The following MECOM variants were observed in gnomAD, a reference collection of about 807,000 sequenced individuals.
MECOM encodes histone-lysine N-methyltransferase MECOM.
A neutral mutation model predicts 116.3 loss-of-function variants in MECOM; 13 were observed. The observed-to-expected ratio is 0.11, with a 90% CI of 0.07 to 0.18. The LOEUF (loss-of-function observed/expected upper bound fraction) is 0.18, where lower values mean the gene tolerates loss of function less well. Ranked by LOEUF, MECOM falls within the 10% of genes least tolerant of loss-of-function variation. MECOM has a pLI of 1.00. For synonymous variants in MECOM, 528 were observed against 535.2 expected (o/e 0.99, Z 0.19); for missense variants, 1,299 against 1,509.0 (o/e 0.86, Z 2.31).
intron 2 of MECOM, among the ~76,000 whole-genome samples, chr3:169,339,660 T>C (rs1460735962): frequency 6.6e-6 from 1 of 152,058 alleles, no homozygotes; most frequent in Admixed American, 6.6e-5. Context: ...TGTGTGTGTA[T>C]ATTAAGGTAT....
chr3:169,415,830 C>T (rs1369894950), intron 1 of MECOM, among the ~76,000 whole-genome samples: 1 of 152,046 alleles, frequency 6.6e-6, no homozygotes, highest in Non-Finnish European at 1.5e-5. Context: ...GCTAACTATC[C>T]TAAATATATA....
chr3:169,183,576 CAGG>C (rs1327004628), intron 2 of MECOM, among the ~76,000 whole-genome samples: 3 of 151,986 alleles, frequency 2.0e-5, no homozygotes, highest in Admixed American at 6.6e-5. Flanking sequence ...GCAGCAACAG[CAGG>C]AGGAGGAGGA....
At chr3:169,469,677 C>T (rs1748886772) in intron 1 of MECOM, among the ~76,000 whole-genome samples, 2 of 151,992 alleles carry the variant, frequency 1.3e-5, no homozygotes, top group South Asian at 4.2e-4. Context: ...ACTCTGTGTC[C>T]ACAGAGATAC....
At chr3:169,508,650 A>C (rs1486682694) in intron 1 of MECOM, among the ~76,000 whole-genome samples, 2 of 152,196 alleles carry the variant, frequency 1.3e-5, no homozygotes, top group African/African-American at 4.8e-5. Flanking sequence ...GAGCAGCACC[A>C]TCTCCTGATG....
At chr3:169,505,348 AC>A (rs1755070411) in intron 1 of MECOM, among the ~76,000 whole-genome samples, 1 of 150,354 alleles carries the variant, frequency 6.7e-6, no homozygotes. Flanking sequence ...TTATGCCCTT[AC>A]CAAAGGCATA....
intron 2 of MECOM, among the ~76,000 whole-genome samples, chr3:169,295,030 A>G (rs1013158263): frequency 1.3e-5 from 2 of 152,180 alleles, no homozygotes; most frequent in African/African-American, 4.8e-5. Context: ...TATTTAAAAA[A>G]AAATGTTTTC....
At chr3:169,134,661 T>C in intron 3 of MECOM, among the ~76,000 whole-genome samples, 1 of 152,184 alleles carries the variant, frequency 6.6e-6, no homozygotes, top group Admixed American at 6.5e-5. Flanking sequence ...CTTCATTACC[T>C]CTCATCCCTT....
rs1017104634 is a variant in MECOM at position 169,565,978 on chromosome 3, T to C, written c.37+97358A>G. 50 of 443,686 alleles carry C rather than the reference T, an allele frequency of 1.1e-4. No individual in the cohort carries two copies. In the East Asian group the frequency reaches 2.1e-3, roughly 18 times the overall value. The allele number at this position is 443,686 out of a possible 1,614,324, so 27.5% of individuals were successfully genotyped here. On this transcript the variant is annotated intron_variant, in intron 1 of 16. Coordinates refer to ENST00000651503, the MANE Select transcript of MECOM (RefSeq NM_004991.4). ...GGTTTAATCAACTCACAGTTCTGTGTGGCTGGGGAGGCCTCAGGAAACTTA... is the reference window on the plus strand; with the variant it reads ...GGTTTAATCAACTCACAGTTCTGTGCGGCTGGGGAGGCCTCAGGAAACTTA...
At chr3:169,300,634 G>A (rs990886851) in intron 2 of MECOM, among the ~76,000 whole-genome samples, 1 of 152,162 alleles carries the variant, frequency 6.6e-6, no homozygotes. Flanking sequence ...CCTTCTAAGT[G>A]TTCTCTTCTA....
At chr3:169,460,067 T>C (rs1366835710) in intron 1 of MECOM, among the ~76,000 whole-genome samples, 1 of 151,932 alleles carries the variant, frequency 6.6e-6, no homozygotes, top group Non-Finnish European at 1.5e-5. Context: ...GTTTTGTGGC[T>C]TCTGAAGGTC....
Position 169,289,524 on chromosome 3 carries a change from A to C in MECOM, c.375+91663T>G, listed in dbSNP as rs1714071824. On this transcript the variant is annotated intron_variant, in intron 2 of 16. Coordinates refer to ENST00000651503, the MANE Select transcript of MECOM (RefSeq NM_004991.4). ...TCTTTGCTTTGTGCATTTCATTAGC[A>C]CATTAACATGCTTTCAAAACAAAAA... 2.0e-5 allele frequency among the ~76,000 whole-genome samples: 3 copies of C among 152,324 alleles called. No individual in the cohort carries two copies. The South Asian group carries it at 6.2e-4, about 32-fold the overall frequency.
At chr3:169,394,025 A>G (rs1260802530) in intron 1 of MECOM, among the ~76,000 whole-genome samples, 3 of 152,192 alleles carry the variant, frequency 2.0e-5, no homozygotes, top group African/African-American at 7.2e-5. Context: ...AAGAAAATCT[A>G]CTGGAGACAG....
chr3:169,429,106 T>G (rs899519313), intron 1 of MECOM, among the ~76,000 whole-genome samples: 1 of 152,226 alleles, frequency 6.6e-6, no homozygotes, highest in African/African-American at 2.4e-5. Context: ...AATGAGAGAC[T>G]GGAGTCAACT....
chr3:169,113,518 T>C (rs1213107279), intron 8 of MECOM, among the ~76,000 whole-genome samples: 2 of 151,768 alleles, frequency 1.3e-5, no homozygotes, highest in African/African-American at 4.8e-5. Flanking sequence ...GGCAGGCAGA[T>C]AGAATGGGTG....
intron 2 of MECOM, among the ~76,000 whole-genome samples, chr3:169,341,500 G>A (rs1457534543): frequency 1.3e-5 from 2 of 150,770 alleles, no homozygotes; most frequent in Non-Finnish European, 3.0e-5. Context: ...CCAACACTTT[G>A]GGAGGCCGAG....
chr3:169,492,264 C>A (rs558633652), intron 1 of MECOM, among the ~76,000 whole-genome samples: 3 of 152,272 alleles, frequency 2.0e-5, no homozygotes, highest in African/African-American at 7.2e-5. Context: ...CAATGAAAAG[C>A]AAAATACGAC....
intron 1 of MECOM, among the ~76,000 whole-genome samples, chr3:169,502,451 A>T (rs1754654311): frequency 6.6e-6 from 1 of 152,020 alleles, no homozygotes; most frequent in Non-Finnish European, 1.5e-5. Flanking sequence ...TGTGCTCCCA[A>T]ACCTATTCTA....
intron 2 of MECOM, among the ~76,000 whole-genome samples, chr3:169,336,276 C>T (rs1449061280): frequency 6.6e-6 from 1 of 151,744 alleles, no homozygotes; most frequent in Non-Finnish European, 1.5e-5. Context: ...TCTGGGGGGC[C>T]AAATGAAGTC....
At chr3:169,395,666 A>G (rs1471204630) in intron 1 of MECOM, among the ~76,000 whole-genome samples, 4 of 152,224 alleles carry the variant, frequency 2.6e-5, no homozygotes, top group Admixed American at 6.5e-5. Flanking sequence ...AAGTCTCTAC[A>G]TGGATAATCC....
Sources: allele counts gnomAD v4.1 joint callset (sites outside exome capture counted in the v4.1 genomes callset), GRCh38; gene constraint gnomAD v4.1.1; transcripts MANE v1.5; gene names NCBI Gene and HGNC (gene_info 2026-07-23, HGNC 2026-07-21).